EPHA6: variants seen among roughly 807,000 people sequenced by gnomAD.
EPHA6 encodes the protein EPH receptor A6.
Under a neutral mutation model 112.0 loss-of-function variants are expected in EPHA6, and 50 were observed. The observed-to-expected ratio is 0.45, with a 90% CI of 0.36 to 0.56. The LOEUF (loss-of-function observed/expected upper bound fraction) is 0.56, where lower values mean the gene tolerates loss of function less well. Ranked by LOEUF, EPHA6 falls within the 20% of genes least tolerant of loss-of-function variation. EPHA6 has a pLI of 0.00. For synonymous variants in EPHA6, 529 were observed against 490.7 expected (o/e 1.08, Z -1.03); for missense variants, 1,280 against 1,417.4 (o/e 0.90, Z 1.56).
intron 3 of EPHA6, among the ~76,000 whole-genome samples, chr3:97,213,180 C>G (rs1189143765): frequency 3.9e-5 from 6 of 152,106 alleles, no homozygotes; most frequent in Non-Finnish European, 7.4e-5. Flanking sequence ...CCTGTGGTTT[C>G]TCTTTAAGAT....
At chr3:97,520,056 C>G (rs549415357) in intron 10 of EPHA6, among the ~76,000 whole-genome samples, 1 of 151,042 alleles carries the variant, frequency 6.6e-6, no homozygotes. Context: ...CAAGCTCTGC[C>G]TCCCGGGTTC....
chr3:96,819,882 T>TA (rs2033116413), intron 1 of EPHA6, among the ~76,000 whole-genome samples: 1 of 151,962 alleles, frequency 6.6e-6, no homozygotes. Flanking sequence ...GGTAAGTAAA[T>TA]AAAACAATAA....
chr3:97,725,716 T>C (rs9881626), intron 15 of EPHA6, among the ~76,000 whole-genome samples: 41,141 of 151,964 alleles, frequency 0.27, 5,773 homozygotes, highest in South Asian at 0.33. Flanking sequence ...GCAGCACATT[T>C]AGCAGCATAC....
intron 14 of EPHA6, among the ~76,000 whole-genome samples, chr3:97,673,127 A>G (rs1036427305): frequency 6.6e-6 from 1 of 152,238 alleles, no homozygotes; most frequent in Non-Finnish European, 1.5e-5. Context: ...TCTTTAAAGA[A>G]TAATTATCCT....
At chr3:97,710,415 C>T (rs2033906279) in intron 14 of EPHA6, among the ~76,000 whole-genome samples, 1 of 152,208 alleles carries the variant, frequency 6.6e-6, no homozygotes, top group Non-Finnish European at 1.5e-5. Flanking sequence ...AGACCTGCTG[C>T]TCAGATATGT....
intron 3 of EPHA6, among the ~76,000 whole-genome samples, chr3:97,161,698 C>T (rs1359258154): frequency 1.3e-5 from 2 of 151,842 alleles, no homozygotes; most frequent in Non-Finnish European, 2.9e-5. Flanking sequence ...TGCTCTAAAC[C>T]ACTGGCAGAA....
intron 5 of EPHA6, among the ~76,000 whole-genome samples, chr3:97,249,936 A>G (rs1190122232): frequency 6.6e-6 from 1 of 152,190 alleles, no homozygotes; most frequent in Non-Finnish European, 1.5e-5. Context: ...TAGACATTAT[A>G]CTTTAGTGTT....
chr3:96,934,725 A>C (rs1369721903), intron 2 of EPHA6, among the ~76,000 whole-genome samples: 1 of 151,514 alleles, frequency 6.6e-6, no homozygotes, highest in Non-Finnish European at 1.5e-5. Flanking sequence ...ACTAAGGGGA[A>C]TAATTAGAAA....
chr3:96,903,846 AC>A (rs2038760446), intron 2 of EPHA6, among the ~76,000 whole-genome samples: 1 of 152,210 alleles, frequency 6.6e-6, no homozygotes, highest in African/African-American at 2.4e-5. Flanking sequence ...GCCAAAAGAC[AC>A]ATGAAAAAAT....
chr3:97,627,386 T>C (rs889051454), intron 13 of EPHA6, among the ~76,000 whole-genome samples: 4 of 151,702 alleles, frequency 2.6e-5, no homozygotes, highest in African/African-American at 7.3e-5. Flanking sequence ...CAGGATTACA[T>C]TGAGTGGCAG....
chr3:97,645,012 G>C (rs2094045640), intron 14 of EPHA6, among the ~76,000 whole-genome samples: 1 of 151,894 alleles, frequency 6.6e-6, no homozygotes, highest in Non-Finnish European at 1.5e-5. Context: ...CAATATCCTT[G>C]ATGAACATTG....
chr3:97,706,032 G>A (rs1056095382), intron 14 of EPHA6, among the ~76,000 whole-genome samples: 3 of 152,092 alleles, frequency 2.0e-5, no homozygotes, highest in Non-Finnish European at 1.5e-5. Context: ...GTTTAAAAAG[G>A]CATTGCTTTG....
chr3:97,720,290 C>A lies in EPHA6; in HGVS notation c.2814C>A (p.Ala938=). ...TGGKIPIRWT[A]PEAIAYRKFS... ...GAAAAATCCCCATAAGGTGGACAGC[C>A]CCAGAAGCCATCGCCTACAGAAAAT... is the stretch of plus-strand genomic sequence containing the variant. Residue 938 remains alanine (A), a synonymous_variant, in exon 15 of 18, where the codon GCC becomes GCA. Coordinates refer to ENST00000389672, the MANE Select transcript of EPHA6 (RefSeq NM_001080448.3). The A allele has an allele frequency of 6.2e-7, 1 of 1,609,944 alleles. No individual in the cohort carries two copies. The highest frequency in any genetic ancestry group is 1.3e-5 in the African/African-American group (1 of 74,708).
intron 3 of EPHA6, among the ~76,000 whole-genome samples, chr3:97,141,701 G>C (rs2075909034): frequency 6.6e-6 from 1 of 151,916 alleles, no homozygotes; most frequent in African/African-American, 2.4e-5. Context: ...AAGGTTTATA[G>C]TGTAAAATGC....
rs2108368054 is a variant in EPHA6 at position 97,148,017 on chromosome 3, T to A, written c.1115-78247T>A. On this transcript the variant is annotated intron_variant, in intron 3 of 17. Transcript: ENST00000389672. Reference sequence around the variant, plus strand: ...ATATAAGAACTCTAATCTTTGCATATTTTTTGTATATCTAAAATTATTCAA... The same window carrying A: ...ATATAAGAACTCTAATCTTTGCATAATTTTTGTATATCTAAAATTATTCAA... Among the ~76,000 whole-genome samples, 3 of 152,272 alleles carry A rather than the reference T, an allele frequency of 2.0e-5. 1 individual carries two copies. The East Asian group carries it at 5.8e-4, about 29-fold the overall frequency.
At chr3:97,485,614 G>T (rs1240311075) in intron 10 of EPHA6, among the ~76,000 whole-genome samples, 1 of 152,170 alleles carries the variant, frequency 6.6e-6, no homozygotes, top group African/African-American at 2.4e-5. Flanking sequence ...CAAAGAAGCT[G>T]CCTTATCAGA....
chr3:97,223,532 G>T (rs2078264680), intron 3 of EPHA6, among the ~76,000 whole-genome samples: 1 of 152,168 alleles, frequency 6.6e-6, no homozygotes, highest in East Asian at 1.9e-4. Context: ...GGAACAAAAG[G>T]TAGGAAATGA....
At chr3:97,130,667 A>C (rs1484737645) in intron 3 of EPHA6, among the ~76,000 whole-genome samples, 1 of 152,240 alleles carries the variant, frequency 6.6e-6, no homozygotes, top group East Asian at 1.9e-4. Context: ...CAAGTTATTT[A>C]GCTATTCTCC....
chr3:97,636,939 C>T lies in EPHA6; in HGVS notation c.2575-934C>T, dbSNP rs1039429418. 2.0e-4 allele frequency among the ~76,000 whole-genome samples: 30 copies of T among 151,854 alleles called. 1 individual carries two copies. Among genetic ancestry groups the T allele is most frequent in the African/African-American group, 4.8e-4 (20 of 41,340 alleles). ...TAACTCCATTAAAGACAACAATCTC[C>T]GAATAACTAGGTAGAATAATATGCA... On this transcript the variant is annotated intron_variant, in intron 13 of 17. Coordinates refer to ENST00000389672, the MANE Select transcript of EPHA6 (RefSeq NM_001080448.3).
Sources: allele counts gnomAD v4.1 joint callset (sites outside exome capture counted in the v4.1 genomes callset), GRCh38; gene constraint gnomAD v4.1.1; transcripts MANE v1.5; gene names NCBI Gene and HGNC (gene_info 2026-07-23, HGNC 2026-07-21).